The following SEC24D variants were observed in gnomAD, a reference collection of about 807,000 sequenced individuals.
SEC24D encodes protein transport protein Sec24D.
Under a neutral mutation model 116.9 loss-of-function variants are expected in SEC24D, and 69 were observed. The observed-to-expected ratio is 0.59, with a 90% CI of 0.49 to 0.72. The LOEUF is 0.72. Among genes scored for constraint, SEC24D ranks in the 30% least tolerant of loss-of-function variants. The pLI, the probability that SEC24D is intolerant of heterozygous loss-of-function variation, is 0.00. For missense variants in SEC24D, 1,131 were observed against 1,264.1 expected, an observed-to-expected ratio of 0.89 and a Z score of 1.60; for synonymous variants, 405 against 442.8, an observed-to-expected ratio of 0.91 and a Z score of 1.07.
intron 8 of SEC24D, among the ~76,000 whole-genome samples, chr4:118,770,061 T>A (rs1727825669): frequency 6.6e-6 from 1 of 152,134 alleles, no homozygotes; most frequent in Non-Finnish European, 1.5e-5. Context: ...AAAACATTAT[T>A]GTAAAAATGA....
chr4:118,732,667 G>A (rs2046779), intron 20 of SEC24D, 66 bp downstream of exon 20: 39 of 1,454,476 alleles, frequency 2.7e-5, no homozygotes, highest in South Asian at 2.1e-4. Context: ...TATAACATAC[G>A]GGAAAGCACA....
At chr4:118,788,755 C>T (rs1009505010) in intron 8 of SEC24D, among the ~76,000 whole-genome samples, 4 of 152,284 alleles carry the variant, frequency 2.6e-5, no homozygotes, top group Middle Eastern at 3.4e-3. Context: ...TCATTAGCAA[C>T]ATGTTTATCA....
chr4:118,811,300 T>C (rs536344428), intron 6 of SEC24D, among the ~76,000 whole-genome samples: 10 of 152,352 alleles, frequency 6.6e-5, no homozygotes, highest in African/African-American at 2.4e-4. Flanking sequence ...ATTTATATTC[T>C]GACGAGAATG....
rs182215736 is a variant in SEC24D, at chr4:118,771,647, G to T, written c.1042-3336C>A. ...ACGAAATGAGACTTAGTACTAAAAT[G>T]ATATCCAACAATTAAGAAACAAAAT... is the stretch of plus-strand genomic sequence containing the variant. On this transcript the variant is annotated intron_variant, in intron 8 of 22. Coordinates refer to ENST00000280551, the MANE Select transcript of SEC24D (RefSeq NM_014822.4). Among the ~76,000 whole-genome samples, 30 of 152,230 alleles carry T rather than the reference G, an allele frequency of 2.0e-4. No homozygotes were observed. The East Asian group carries it at 4.6e-3, about 23-fold the overall frequency.
rs761073620 is a variant in SEC24D at position 118,740,915 on chromosome 4, C to T, written c.2092+26G>A. The T allele has an allele frequency of 3.1e-5, 49 of 1,583,742 alleles. 1 individual carries two copies. The East Asian group carries it at 8.3e-4, about 27-fold the overall frequency. ...AAGAAACAATTATTCAAGAGAGACC[C>T]GAAGAATTGTATAAATGATAATTAC... On this transcript the variant is annotated intron_variant, in intron 16 of 22. Transcript: ENST00000280551.
chr4:118,755,397 G>A (rs994999845), intron 11 of SEC24D, among the ~76,000 whole-genome samples: 5 of 143,610 alleles, frequency 3.5e-5, no homozygotes, highest in African/African-American at 1.3e-4. Context: ...GTAACTAGAT[G>A]AACCAGAAAA....
intron 7 of SEC24D, among the ~76,000 whole-genome samples, chr4:118,801,186 T>C (rs538051610): frequency 3.3e-5 from 5 of 149,458 alleles, no homozygotes; most frequent in African/African-American, 9.9e-5. Flanking sequence ...GGCGTGAACC[T>C]GGGAGGCGGA....
intron 10 of SEC24D, among the ~76,000 whole-genome samples, chr4:118,761,264 T>C (rs142377058): frequency 3.3e-5 from 5 of 152,270 alleles, no homozygotes; most frequent in African/African-American, 1.2e-4. Context: ...TCATTAACTG[T>C]TGACTGAGTG....
At chr4:118,750,082 A>G (rs184471661) in intron 13 of SEC24D, among the ~76,000 whole-genome samples, 5 of 152,374 alleles carry the variant, frequency 3.3e-5, no homozygotes, top group Admixed American at 3.3e-4. Context: ...AATTGCAAAT[A>G]TAACAAAAAA....
chr4:118,820,080 T>C lies in SEC24D; in HGVS notation c.249-2668A>G, dbSNP rs1578473725. 2.0e-5 allele frequency among the ~76,000 whole-genome samples: 3 copies of C among 151,968 alleles called. No individual in the cohort carries two copies. In the East Asian group the frequency reaches 5.8e-4, roughly 29 times the overall value. On this transcript the variant is annotated intron_variant, in intron 3 of 22. Coordinates refer to ENST00000280551, the MANE Select transcript of SEC24D (RefSeq NM_014822.4). Reference sequence around the variant, plus strand: ...CAATTATTATCAATTTTAAAATAAATAGAATAGTATTAAATGGCTAACAAA... The same window carrying C: ...CAATTATTATCAATTTTAAAATAAACAGAATAGTATTAAATGGCTAACAAA...
chr4:118,800,572 C>T (rs116401323), intron 7 of SEC24D, among the ~76,000 whole-genome samples: 7,018 of 152,138 alleles, frequency 0.046, 210 homozygotes, highest in Non-Finnish European at 0.064. Context: ...ATTAACATGA[C>T]TGCAGGCTGA....
intron 10 of SEC24D, among the ~76,000 whole-genome samples, chr4:118,761,761 A>G (rs189973755): frequency 2.0e-5 from 3 of 152,308 alleles, no homozygotes; most frequent in African/African-American, 4.8e-5. Context: ...TAAATTGTCA[A>G]TAAGTTTGTG....
At chr4:118,731,854 A>C (rs1418168319) in intron 20 of SEC24D, among the ~76,000 whole-genome samples, 2 of 152,184 alleles carry the variant, frequency 1.3e-5, no homozygotes, top group Non-Finnish European at 2.9e-5. Flanking sequence ...ACTTTTAAGA[A>C]GGTAACCTGA....
At chr4:118,790,764 A>G (rs1728861620) in intron 8 of SEC24D, among the ~76,000 whole-genome samples, 1 of 151,664 alleles carries the variant, frequency 6.6e-6, no homozygotes, top group Non-Finnish European at 1.5e-5. Context: ...ATGCTTAGAA[A>G]TGTTGGAACC....
At chr4:118,761,709 A>G (rs1378605303) in intron 10 of SEC24D, among the ~76,000 whole-genome samples, 1 of 152,218 alleles carries the variant, frequency 6.6e-6, no homozygotes, top group Non-Finnish European at 1.5e-5. Flanking sequence ...GGTCCATGTC[A>G]CTTCATCTAC....
chr4:118,746,700 C>G (rs1044087741), intron 13 of SEC24D, among the ~76,000 whole-genome samples: 1 of 152,112 alleles, frequency 6.6e-6, no homozygotes, highest in Non-Finnish European at 1.5e-5. Flanking sequence ...TTCTCCAGCT[C>G]TCTGCCTGCA....
At chr4:118,825,956 T>C (rs1447907874) in intron 2 of SEC24D, among the ~76,000 whole-genome samples, 2 of 152,056 alleles carry the variant, frequency 1.3e-5, no homozygotes, top group African/African-American at 4.8e-5. Context: ...GAGTTTCTTA[T>C]ATTGTCATCA....
At chr4:118,805,203 G>T (rs900670705) in intron 7 of SEC24D, among the ~76,000 whole-genome samples, 38 of 152,154 alleles carry the variant, frequency 2.5e-4, no homozygotes, top group African/African-American at 9.2e-4. Context: ...ACAACTCTGG[G>T]ATGAGACAAA....
chr4:118,775,031 T>A (rs1320830621), intron 8 of SEC24D, among the ~76,000 whole-genome samples: 3 of 152,338 alleles, frequency 2.0e-5, no homozygotes, highest in Admixed American at 1.3e-4. Context: ...CCCCTCAAGA[T>A]CATTTCATCC....
Sources: gnomAD v4.1 joint callset for allele counts (sites outside exome capture counted in the v4.1 genomes callset) on GRCh38, gnomAD v4.1.1 for gene constraint, MANE v1.5 for transcripts, NCBI Gene and HGNC (gene_info 2026-07-23, HGNC 2026-07-21) for gene names.